The following MPHOSPH9 variants were observed in gnomAD, a reference collection of about 807,000 sequenced individuals.
The protein encoded by MPHOSPH9 is M-phase phosphoprotein 9.
Under a neutral mutation model 145.5 loss-of-function variants are expected in MPHOSPH9, and 88 were observed. That is an observed-to-expected ratio of 0.60 (90% CI 0.51 to 0.72). The LOEUF is 0.72. Among genes scored for constraint, MPHOSPH9 ranks in the 30% least tolerant of loss-of-function variants. The pLI, the probability that MPHOSPH9 is intolerant of heterozygous loss-of-function variation, is 0.00. For missense variants in MPHOSPH9, 1,238 were observed against 1,386.6 expected (o/e 0.89, Z 1.70); for synonymous variants, 435 against 486.2 (o/e 0.89, Z 1.39).
chr12:123,207,146 TAAA>T (rs35392378), intron 8 of MPHOSPH9, among the ~76,000 whole-genome samples: 6 of 114,578 alleles, frequency 5.2e-5, no homozygotes, highest in African/African-American at 1.3e-4. Flanking sequence ...CTAAAGTGGT[TAAA>T]AAAAAAAAAA....
At chr12:123,231,683 C>G (rs1481971728) in intron 1 of MPHOSPH9, among the ~76,000 whole-genome samples, 1 of 151,802 alleles carries the variant, frequency 6.6e-6, no homozygotes, top group African/African-American at 2.4e-5. Flanking sequence ...GGCAACAGAC[C>G]AAGACCCCAT....
At chr12:123,192,344 C>T (rs1378511750) in intron 13 of MPHOSPH9, among the ~76,000 whole-genome samples, 2 of 151,556 alleles carry the variant, frequency 1.3e-5, no homozygotes, top group African/African-American at 2.4e-5. Context: ...ATCCCAGCTA[C>T]TCAGGAGGCT....
At chr12:123,165,504 G>A (rs745643873) in intron 17 of MPHOSPH9, 27 bp from the exon 18 acceptor site, 22 of 1,599,446 alleles carry the variant, frequency 1.4e-5, no homozygotes, top group Non-Finnish European at 1.8e-5. Context: ...AAGACATACA[G>A]TGCTATGGAC....
At chr12:123,198,608 A>G (rs1790089) in intron 11 of MPHOSPH9, among the ~76,000 whole-genome samples, 97,388 of 151,610 alleles carry the variant, frequency 0.64, 35,746 homozygotes, top group East Asian at 0.99. Flanking sequence ...CCAGGAGTTC[A>G]AGATCAGCCT....
At chr12:123,207,759 G>A (rs1029469277) in intron 8 of MPHOSPH9, among the ~76,000 whole-genome samples, 3 of 151,738 alleles carry the variant, frequency 2.0e-5, no homozygotes, top group African/African-American at 7.3e-5. Flanking sequence ...AGGTTGAGGT[G>A]GGAGAATCAT....
At chr12:123,180,254 A>G (rs550404253) in intron 14 of MPHOSPH9, among the ~76,000 whole-genome samples, 12 of 152,200 alleles carry the variant, frequency 7.9e-5, no homozygotes, top group Non-Finnish European at 1.3e-4. Context: ...GAAACAAATC[A>G]GTGTTAAAAT....
intron 15 of MPHOSPH9, among the ~76,000 whole-genome samples, chr12:123,179,716 T>TAAAAA (rs11380874): frequency 1.6e-5 from 2 of 128,744 alleles, no homozygotes; most frequent in Non-Finnish European, 1.6e-5. Context: ...CCTGTCTCTT[T>TAAAAA]AAAAAAAAAA....
chr12:123,202,243 T>C lies in MPHOSPH9; in HGVS notation c.1858A>G (p.Ser620Gly). ...TTTGCCTCCAGCTTCTGTTTCAAAC[T>C]ATTTATTTCTGATTCATAATAAGCT... ...LRAYYESEIN[S>G]LKQKLEAKEI... The change falls in exon 11 of 24, where the codon AGT (serine) becomes GGT (glycine). Residue 620 changes from serine to glycine, a missense_variant. By Grantham distance (56) the Ser-to-Gly change is moderately conservative (BLOSUM62 0). This residue lies in a region of MPHOSPH9 where 837 missense variants were observed against 897.5 expected (regional missense o/e 0.93). Coordinates refer to ENST00000606320, the MANE Select transcript of MPHOSPH9 (RefSeq NM_022782.4). 1 of 1,613,450 alleles carries C rather than the reference T, an allele frequency of 6.2e-7. No homozygotes were observed. The highest frequency in any genetic ancestry group is 8.5e-7 in the Non-Finnish European group (1 of 1,179,830).
chr12:123,211,684 C>CT lies in MPHOSPH9; in HGVS notation c.1088-1523dup, dbSNP rs147321517. Among the ~76,000 whole-genome samples, 570 of 67,754 alleles carry CT rather than the reference C, an allele frequency of 8.4e-3. 16 individuals are homozygous for CT. Among genetic ancestry groups the CT allele is most frequent in the Non-Finnish European group, 0.011 (346 of 32,316 alleles). 44.4% of individuals were successfully genotyped at this position (67,754 alleles called of 152,430 possible). A position where few individuals can be genotyped will look rare whatever the true frequency, so the allele number is the denominator to read the frequency against. On this transcript the variant is annotated intron_variant, in intron 7 of 23. Transcript: ENST00000606320. Reference sequence around the variant, plus strand: ...AAATATATTTTAAAATAGACAATTTCTTTTTTTTTTTTTTTTTTTTTTTTT... The same window carrying CT: ...AAATATATTTTAAAATAGACAATTTCTTTTTTTTTTTTTTTTTTTTTTTTTT...
Position 123,203,088 on chromosome 12 carries a change from G to T in MPHOSPH9, c.1321-4C>A. The T allele has an allele frequency of 6.2e-7, 1 of 1,608,286 alleles. No homozygotes were observed. On this transcript the variant is annotated splice_region_variant and splice_polypyrimidine_tract_variant and intron_variant, in intron 9 of 23. Transcript: ENST00000606320. ...ACGTAGGATCTAGAGTCAGGACCTG[G>T]AAACCAGACAACAACGAAGTCTTAC... is the stretch of plus-strand genomic sequence containing the variant.
intron 13 of MPHOSPH9, among the ~76,000 whole-genome samples, chr12:123,181,817 G>A (rs1263995018): frequency 6.6e-6 from 1 of 152,154 alleles, no homozygotes; most frequent in South Asian, 2.1e-4. Flanking sequence ...CAGTGAGCTT[G>A]TAGTGAGGCT....
chr12:123,241,395 T>C (rs1014462253), intron 1 of MPHOSPH9, among the ~76,000 whole-genome samples: 1 of 152,194 alleles, frequency 6.6e-6, no homozygotes, highest in African/African-American at 2.4e-5. Context: ...TGGAGCGCAA[T>C]GGCGTGATCT....
At chr12:123,184,200 G>A (rs1251918548) in intron 13 of MPHOSPH9, among the ~76,000 whole-genome samples, 4 of 151,908 alleles carry the variant, frequency 2.6e-5, no homozygotes, top group African/African-American at 4.8e-5. Context: ...GGTGAGACCT[G>A]TCTCTAAAAT....
At chr12:123,187,715 C>A (rs1437384181) in intron 13 of MPHOSPH9, among the ~76,000 whole-genome samples, 1 of 152,142 alleles carries the variant, frequency 6.6e-6, no homozygotes, top group African/African-American at 2.4e-5. Context: ...ATAAAATGTA[C>A]AACAGAAGTC....
Position 123,202,299 on chromosome 12 carries a change from T to G in MPHOSPH9, c.1802A>C (p.Glu601Ala), listed in dbSNP as rs762876620. Residue 601 changes from glutamate to alanine, a missense_variant, in exon 11 of 24, where the codon GAA becomes GCA. Glu to Ala is a moderately radical substitution (Grantham distance 107). This residue lies in a region of MPHOSPH9 where 837 missense variants were observed against 897.5 expected (regional missense o/e 0.93). Coordinates refer to ENST00000606320, the MANE Select transcript of MPHOSPH9 (RefSeq NM_022782.4). ...ATCTGCTATGTGTCGAGCATGCTTT[T>G]CCTTCAGATTCTGCCTAATCCTTAT... ...ILSKIRQNLK[E>A]KHARHIADLR... 6.2e-7 allele frequency: 1 copy of G among 1,606,950 alleles called. No homozygotes were observed. The highest frequency in any genetic ancestry group is 1.1e-5 in the South Asian group (1 of 88,882).
At chr12:123,204,302 CAAAA>C (rs5801508) in intron 8 of MPHOSPH9, among the ~76,000 whole-genome samples, 4 of 124,892 alleles carry the variant, frequency 3.2e-5, no homozygotes, top group African/African-American at 3.5e-5. Context: ...AACTCCGTCT[CAAAA>C]AAAAAAAAAA....
At chr12:123,183,376 C>T (rs950787799) in intron 13 of MPHOSPH9, among the ~76,000 whole-genome samples, 1 of 151,340 alleles carries the variant, frequency 6.6e-6, no homozygotes, top group Admixed American at 6.6e-5. Context: ...AGCGAAACCC[C>T]GTCTCTACTA....
chr12:123,238,891 G>A (rs2047890191), intron 1 of MPHOSPH9, among the ~76,000 whole-genome samples: 1 of 152,164 alleles, frequency 6.6e-6, no homozygotes, highest in Non-Finnish European at 1.5e-5. Context: ...ACCAGCACAT[G>A]TGGCCCAAAC....
intron 13 of MPHOSPH9, among the ~76,000 whole-genome samples, chr12:123,183,177 G>A (rs1322202690): frequency 1.3e-5 from 2 of 152,010 alleles, no homozygotes; most frequent in African/African-American, 4.8e-5. Flanking sequence ...AACTAACAAT[G>A]AAGAAATTAA....
Sources: allele counts gnomAD v4.1 joint callset (sites outside exome capture counted in the v4.1 genomes callset), GRCh38; gene constraint gnomAD v4.1.1; regional missense constraint gnomAD v4.1.1; transcripts MANE v1.5; gene names NCBI Gene and HGNC (gene_info 2026-07-23, HGNC 2026-07-21).